The following FAM240B variants were observed in gnomAD, a reference collection of about 807,000 sequenced individuals.
The protein encoded by FAM240B is family with sequence similarity 240 member B, also known as protein FAM240B.
chr9:38,699,929 G>C (rs62539021), intron 2 of FAM240B, among the ~76,000 whole-genome samples: 11,409 of 152,218 alleles, frequency 0.075, 481 homozygotes, highest in East Asian at 0.16. Context: ...TGACAATTTT[G>C]CTACACCTAC....
chr9:38,710,719 TGCCTACTGGCTGGTGG>T (rs1821245192), intron 1 of FAM240B, among the ~76,000 whole-genome samples: 1 of 152,226 alleles, frequency 6.6e-6, no homozygotes, highest in African/African-American at 2.4e-5. Flanking sequence ...ACAGTATCTT[TGCCTACTGGCTGGTGG>T]GCTGCAGGTC....
intron 2 of FAM240B, among the ~76,000 whole-genome samples, chr9:38,695,799 G>A (rs1314690979): frequency 6.6e-6 from 1 of 152,182 alleles, no homozygotes; most frequent in East Asian, 1.9e-4. Context: ...CTGATTTGAA[G>A]CTTAACATAA....
chr9:38,713,461 G>C (rs896105943), intron 1 of FAM240B, among the ~76,000 whole-genome samples: 2 of 117,664 alleles, frequency 1.7e-5, no homozygotes, highest in African/African-American at 6.5e-5. Context: ...CTGGGCTACA[G>C]AGTGAGACTC....
chr9:38,705,339 C>T (rs965651706), intron 1 of FAM240B: 2 of 152,610 alleles, frequency 1.3e-5, no homozygotes, highest in African/African-American at 2.4e-5. Context: ...CCTGTAATCC[C>T]AGCACTTCGG....
chr9:38,695,188 C>T (rs985979770), intron 2 of FAM240B, among the ~76,000 whole-genome samples: 1 of 152,182 alleles, frequency 6.6e-6, no homozygotes, highest in African/African-American at 2.4e-5. Flanking sequence ...ACATTCTGCA[C>T]ATGTATCCTG....
At chr9:38,709,406 A>G (rs571801576) in intron 1 of FAM240B, among the ~76,000 whole-genome samples, 7 of 152,176 alleles carry the variant, frequency 4.6e-5, no homozygotes, top group Non-Finnish European at 1.0e-4. Flanking sequence ...GAAAACACCA[A>G]AATAAGGCAG....
intron 1 of FAM240B, among the ~76,000 whole-genome samples, chr9:38,713,117 G>C (rs528532563): frequency 7.2e-5 from 11 of 152,280 alleles, no homozygotes; most frequent in African/African-American, 2.6e-4. Flanking sequence ...ACCTCACCCA[G>C]TAGAGGAGTG....
intron 1 of FAM240B, among the ~76,000 whole-genome samples, chr9:38,712,597 C>T (rs1332244152): frequency 6.6e-6 from 1 of 152,076 alleles, no homozygotes; most frequent in Non-Finnish European, 1.5e-5. Context: ...ATGGGGAGAG[C>T]CAGGAGTCCA....
chr9:38,710,999 A>G (rs918476302), intron 1 of FAM240B, among the ~76,000 whole-genome samples: 1 of 152,144 alleles, frequency 6.6e-6, no homozygotes, highest in Non-Finnish European at 1.5e-5. Flanking sequence ...GGACAGAGAG[A>G]TGGCGGCTCA....
rs143918741 is a variant in FAM240B, at chr9:38,719,306, A to G, written c.-4+716T>C. 1.8e-3 allele frequency among the ~76,000 whole-genome samples: 273 copies of G among 151,304 alleles called. 2 individuals are homozygous for G. The highest frequency in any genetic ancestry group is 6.4e-3 in the African/African-American group (262 of 41,208). On this transcript the variant is annotated intron_variant, in intron 1 of 2. Transcript: ENST00000637493. ...TACATCTCTTGAGAGGATTAGTTCT[A>G]TTTTCAGTAAAATGTTACCAATTTG...
At chr9:38,707,895 C>T (rs1821209251) in intron 1 of FAM240B, among the ~76,000 whole-genome samples, 1 of 151,604 alleles carries the variant, frequency 6.6e-6, no homozygotes, top group Non-Finnish European at 1.5e-5. Context: ...GATCAAAAAA[C>T]ACTTATAGGG....
chr9:38,707,207 A>G lies in FAM240B; in HGVS notation c.-3-3205T>C, dbSNP rs142610598. Among the ~76,000 whole-genome samples the G allele has an allele frequency of 3.9e-3, 600 of 152,350 alleles. 7 individuals carry two copies. Among genetic ancestry groups the G allele is most frequent in the African/African-American group, 0.014 (568 of 41,588 alleles). On this transcript the variant is annotated intron_variant, in intron 1 of 2. Coordinates refer to ENST00000637493, the MANE Select transcript of FAM240B (RefSeq NM_001394922.1). ...GGATAGCTTGGTCAAACAGGTACTC[A>G]TTGAAATGCTCTTCTTTTCTCAAAA... is the stretch of plus-strand genomic sequence containing the variant.
rs2119000199 is a variant in FAM240B at position 38,700,170 on chromosome 9, A to C, written c.143+3687T>G. 2.0e-5 allele frequency among the ~76,000 whole-genome samples: 3 copies of C among 152,324 alleles called. No homozygotes were observed. The South Asian group carries it at 6.2e-4, about 32-fold the overall frequency. On this transcript the variant is annotated intron_variant, in intron 2 of 2. Transcript: ENST00000637493. The stretch of plus-strand genomic sequence containing the variant: ...CAGTTTGAATGAAAAATCTAACTAA[A>C]AATTTTCTCCCTGCTTATTCTTTGT...
At chr9:38,712,062 T>G (rs778076929) in intron 1 of FAM240B, among the ~76,000 whole-genome samples, 4 of 152,162 alleles carry the variant, frequency 2.6e-5, no homozygotes, top group Non-Finnish European at 5.9e-5. Context: ...GGCAGTATAT[T>G]TGAGTCTTAG....
intron 1 of FAM240B, among the ~76,000 whole-genome samples, chr9:38,704,753 G>T (rs1014123220): frequency 6.6e-6 from 1 of 152,128 alleles, no homozygotes; most frequent in Non-Finnish European, 1.5e-5. Context: ...TGTGGGCCGG[G>T]CACGCTTTAC....
chr9:38,709,066 T>C (rs1821223526), intron 1 of FAM240B, among the ~76,000 whole-genome samples: 2 of 152,058 alleles, frequency 1.3e-5, no homozygotes, highest in African/African-American at 4.8e-5. Flanking sequence ...ATAATCACAT[T>C]TACTGAGTGA....
At chr9:38,701,138 A>T in intron 2 of FAM240B, among the ~76,000 whole-genome samples, 1 of 152,126 alleles carries the variant, frequency 6.6e-6, no homozygotes, top group East Asian at 1.9e-4. Flanking sequence ...GGTAGAATTT[A>T]AAAAGGTCTG....
intron 1 of FAM240B, among the ~76,000 whole-genome samples, chr9:38,719,008 C>A (rs1000178785): frequency 6.6e-6 from 1 of 152,018 alleles, no homozygotes; most frequent in African/African-American, 2.4e-5. Context: ...GGTGTTTGAT[C>A]TACAGGTTCA....
intron 1 of FAM240B, among the ~76,000 whole-genome samples, chr9:38,714,890 C>T (rs948599668): frequency 1.3e-5 from 2 of 152,132 alleles, no homozygotes; most frequent in South Asian, 4.1e-4. Flanking sequence ...GAAAAACAGA[C>T]AATAAGTAGT....
Sources: allele counts gnomAD v4.1 joint callset (sites outside exome capture counted in the v4.1 genomes callset), GRCh38; gene constraint gnomAD v4.1.1; transcripts MANE v1.5; gene names NCBI Gene and HGNC (gene_info 2026-07-23, HGNC 2026-07-21).